The following PSMB2 variants were observed in gnomAD, a reference collection of about 807,000 sequenced individuals.
PSMB2 encodes the protein proteasome 20S subunit beta 2.
A neutral mutation model predicts 25.7 loss-of-function variants in PSMB2; 13 were observed. That is an observed-to-expected ratio of 0.51 (90% CI 0.33 to 0.80). The LOEUF (loss-of-function observed/expected upper bound fraction) is 0.80, where lower values mean the gene tolerates loss of function less well. PSMB2 is among the 30% of genes least tolerant of loss of function. The pLI is 0.02. For synonymous variants in PSMB2, 87 were observed against 96.2 expected (o/e 0.90, Z 0.56); for missense variants, 202 against 259.0 (o/e 0.78, Z 1.51).
intron 3 of PSMB2, 44 bp from the exon 4 acceptor site, chr1:35,609,452 CCAA>C (rs1206524365): frequency 2.2e-6 from 3 of 1,384,854 alleles, no homozygotes; most frequent in Admixed American, 2.6e-5. Flanking sequence ...AAGCAGAACA[CCAA>C]CATCTCTTCC....
chr1:35,610,160 T>C (rs925738410), intron 3 of PSMB2, among the ~76,000 whole-genome samples: 1 of 152,156 alleles, frequency 6.6e-6, no homozygotes, highest in Admixed American at 6.5e-5. Context: ...AACTTATAGC[T>C]GGGCACAGTA....
chr1:35,628,596 A>AATATATAT (rs869040203), intron 3 of PSMB2, among the ~76,000 whole-genome samples: 1 of 25,106 alleles, frequency 4.0e-5, no homozygotes, highest in African/African-American at 1.1e-4. Flanking sequence ...AAAAAAAAAA[A>AATATATAT]ATATATATAT....
chr1:35,605,335 T>C (rs1335992284), intron 4 of PSMB2, 53 bp from the exon 5 acceptor site: 6 of 1,546,560 alleles, frequency 3.9e-6, no homozygotes, highest in Middle Eastern at 1.7e-4. Context: ...TATATCCAAC[T>C]CTCAGAAGCT....
At position 35,609,226 on chromosome 1, in the gene PSMB2, C is replaced by T. The variant is rs773749614; in HGVS notation, c.448+20G>A. On this transcript the variant is annotated intron_variant, in intron 4 of 5. Transcript: ENST00000373237. ...GGCAGGGCTCTGCCACTGCTCCCTC[C>T]CTAGAGTATTAATACTTACTCGGTG... 6.5e-7 allele frequency: 1 copy of T among 1,542,274 alleles called. No homozygotes were observed.
intron 3 of PSMB2, among the ~76,000 whole-genome samples, chr1:35,618,060 C>T (rs984313717): frequency 2.6e-5 from 4 of 151,948 alleles, no homozygotes; most frequent in African/African-American, 4.8e-5. Flanking sequence ...AAAGATAGAC[C>T]GGGATTAGGA....
intron 2 of PSMB2, among the ~76,000 whole-genome samples, chr1:35,632,484 A>C (rs770682737): frequency 2.6e-5 from 4 of 152,240 alleles, no homozygotes; most frequent in African/African-American, 7.2e-5. Context: ...TCAGATTCAA[A>C]TCCTAACAAA....
intron 1 of PSMB2, among the ~76,000 whole-genome samples, chr1:35,638,690 T>G (rs1225957910): frequency 1.3e-5 from 2 of 152,090 alleles, no homozygotes; most frequent in Non-Finnish European, 1.5e-5. Flanking sequence ...CCGAGTAACT[T>G]AAAAGCAATT....
chr1:35,625,014 T>A (rs1316762196), intron 3 of PSMB2, among the ~76,000 whole-genome samples: 1 of 151,022 alleles, frequency 6.6e-6, no homozygotes, highest in Non-Finnish European at 1.5e-5. Context: ...TGTGCTGAGA[T>A]CATGCCACTG....
chr1:35,639,739 T>C (rs1651340206), intron 1 of PSMB2, among the ~76,000 whole-genome samples: 1 of 152,220 alleles, frequency 6.6e-6, no homozygotes, highest in Non-Finnish European at 1.5e-5. Flanking sequence ...TGACTTAATG[T>C]TAAAATCACT....
chr1:35,624,845 G>A (rs1265166394), intron 3 of PSMB2, among the ~76,000 whole-genome samples: 4 of 151,804 alleles, frequency 2.6e-5, no homozygotes, highest in South Asian at 2.1e-4. Context: ...GGTGGATCAC[G>A]AGGTCAGGAG....
At chr1:35,634,011 C>A (rs1032984845) in intron 2 of PSMB2, among the ~76,000 whole-genome samples, 2 of 152,180 alleles carry the variant, frequency 1.3e-5, no homozygotes, top group African/African-American at 4.8e-5. Context: ...GCCAGACCAC[C>A]ACTACAAACA....
chr1:35,611,012 G>A (rs1264718855), intron 3 of PSMB2, among the ~76,000 whole-genome samples: 3 of 151,794 alleles, frequency 2.0e-5, no homozygotes, highest in African/African-American at 4.8e-5. Flanking sequence ...CACCAGCTGC[G>A]CCATTTACCA....
intron 4 of PSMB2, among the ~76,000 whole-genome samples, chr1:35,607,453 G>C (rs1004143730): frequency 6.6e-6 from 1 of 152,122 alleles, no homozygotes; most frequent in Non-Finnish European, 1.5e-5. Flanking sequence ...TCACAGAAAT[G>C]CAAATCAAAA....
At chr1:35,610,790 G>A (rs921623241) in intron 3 of PSMB2, among the ~76,000 whole-genome samples, 3 of 152,138 alleles carry the variant, frequency 2.0e-5, no homozygotes, top group Non-Finnish European at 4.4e-5. Flanking sequence ...CACTGCGCCC[G>A]GCCATAAGTC....
chr1:35,601,681 A>T lies in PSMB2; in HGVS notation c.*1586T>A, dbSNP rs767681031. ...AGACAAAACAAAAACCTATCTGTAT[A>T]TGATATTAAGAGGAGCACAGAATTG... is the stretch of plus-strand genomic sequence containing the variant. On this transcript the variant is annotated 3_prime_UTR_variant, in exon 6 of 6. Transcript: ENST00000373237. 102 of 985,286 alleles carry T rather than the reference A, an allele frequency of 1.0e-4. No individual in the cohort carries two copies. Among genetic ancestry groups the T allele is most frequent in the Non-Finnish European group, 1.2e-4 (100 of 829,886 alleles). 61.0% of individuals were successfully genotyped at this position (985,286 alleles called of 1,614,324 possible).
chr1:35,605,821 C>A (rs1003001605), intron 4 of PSMB2, among the ~76,000 whole-genome samples: 4 of 152,186 alleles, frequency 2.6e-5, no homozygotes, highest in Non-Finnish European at 5.9e-5. Context: ...ACTGGGACGA[C>A]ATGTTATGCA....
chr1:35,618,699 G>C (rs1341038732), intron 3 of PSMB2, among the ~76,000 whole-genome samples: 3 of 152,160 alleles, frequency 2.0e-5, no homozygotes, highest in African/African-American at 7.2e-5. Flanking sequence ...GGGCCGGTTA[G>C]GGTCCTGTTA....
intron 1 of PSMB2, among the ~76,000 whole-genome samples, chr1:35,638,544 C>T (rs1651307924): frequency 6.6e-6 from 1 of 152,186 alleles, no homozygotes; most frequent in Admixed American, 6.5e-5. Context: ...TTACCCCTGT[C>T]TAACTCACAA....
At chr1:35,631,234 T>C (rs1651085477) in intron 3 of PSMB2, 40 bp downstream of exon 3, 1 of 1,583,290 alleles carries the variant, frequency 6.3e-7, no homozygotes, top group Non-Finnish European at 8.7e-7. Context: ...GCACAAAGGA[T>C]TTTTCTGCTC....
Sources: gnomAD v4.1 joint callset for allele counts (sites outside exome capture counted in the v4.1 genomes callset) on GRCh38, gnomAD v4.1.1 for gene constraint, MANE v1.5 for transcripts, NCBI Gene and HGNC (gene_info 2026-07-23, HGNC 2026-07-21) for gene names.